CMIP: variants seen among roughly 807,000 people sequenced by gnomAD.
The protein encoded by CMIP is C-Maf-inducing protein.
CMIP carries 13 observed loss-of-function variants against 97.3 expected under a neutral mutation model. The ratio of observed to expected loss-of-function variants is 0.13; its 90% CI spans 0.09 to 0.21. CMIP has a LOEUF of 0.21. Ranked by LOEUF, CMIP falls within the 10% of genes least tolerant of loss-of-function variation. The pLI, the probability that CMIP is intolerant of heterozygous loss-of-function variation, is 1.00. For missense variants in CMIP, 847 were observed against 1,024.9 expected (o/e 0.83, Z 2.37); for synonymous variants, 538 against 436.3 (o/e 1.23, Z -2.91).
At position 81,672,089 on chromosome 16, in the gene CMIP, G is replaced by A. The variant is rs181311583; in HGVS notation, c.1034+19G>A. On this transcript the variant is annotated intron_variant, in intron 9 of 20. Transcript: ENST00000537098. The stretch of plus-strand genomic sequence containing the variant: ...TCAACAGGTCAGTTGCTGAACCACC[G>A]CCACCCAGAGGGCTTGGGAGGGGCA... 8.4e-5 allele frequency: 122 copies of A among 1,455,772 alleles called. No homozygotes were observed. The highest frequency in any genetic ancestry group is 6.1e-4 in the Admixed American group (32 of 52,624). 90.2% of individuals were successfully genotyped at this position (1,455,772 alleles called of 1,614,324 possible). A position where few individuals can be genotyped will look rare whatever the true frequency, so the allele number is the denominator to read the frequency against.
At chr16:81,461,844 A>G (rs921607343) in intron 1 of CMIP, among the ~76,000 whole-genome samples, 2 of 152,202 alleles carry the variant, frequency 1.3e-5, no homozygotes, top group South Asian at 4.1e-4. Flanking sequence ...TCCCATCCCT[A>G]CATCCCAGGA....
At chr16:81,594,434 C>G (rs530096948) in intron 1 of CMIP, among the ~76,000 whole-genome samples, 2 of 150,176 alleles carry the variant, frequency 1.3e-5, no homozygotes, top group African/African-American at 4.9e-5. Flanking sequence ...TTACCTTTTT[C>G]TTAGTTGTAA....
chr16:81,525,197 G>A (rs2090107180), intron 1 of CMIP, among the ~76,000 whole-genome samples: 1 of 151,992 alleles, frequency 6.6e-6, no homozygotes, highest in Non-Finnish European at 1.5e-5. Context: ...AGGCTGGAGT[G>A]CAGTGGCACA....
At chr16:81,583,768 C>T (rs1309730887) in intron 1 of CMIP, among the ~76,000 whole-genome samples, 3 of 152,090 alleles carry the variant, frequency 2.0e-5, no homozygotes, top group African/African-American at 4.8e-5. Flanking sequence ...ATCTGAAAGC[C>T]TTATGGAGGC....
intron 1 of CMIP, chr16:81,476,330 C>T: frequency 3.4e-6 from 5 of 1,461,792 alleles, no homozygotes; most frequent in East Asian, 4.6e-5. Flanking sequence ...AAGTCACCAC[C>T]CTGATACATA....
chr16:81,494,219 C>T (rs1011474186), intron 1 of CMIP, among the ~76,000 whole-genome samples: 1 of 152,160 alleles, frequency 6.6e-6, no homozygotes, highest in Admixed American at 6.5e-5. Flanking sequence ...TCCTGGGTCT[C>T]CAGCCGTGAT....
chr16:81,587,535 A>G (rs1262310937), intron 1 of CMIP, among the ~76,000 whole-genome samples: 1 of 152,148 alleles, frequency 6.6e-6, no homozygotes, highest in Non-Finnish European at 1.5e-5. Flanking sequence ...CCATCACGGT[A>G]AAGCTTTGAG....
Position 81,670,125 on chromosome 16 carries a change from C to G in CMIP, c.826-17C>G, listed in dbSNP as rs773423681. ...GCCTAGCACCGTCCCGACTCCTGTC[C>G]TCTGCTGTCTCCACAGGACTTTGGG... On this transcript the variant is annotated splice_polypyrimidine_tract_variant and intron_variant, in intron 7 of 20. Transcript: ENST00000537098. 1.1e-5 allele frequency: 17 copies of G among 1,599,000 alleles called. No individual in the cohort carries two copies. Among genetic ancestry groups the G allele is most frequent in the Non-Finnish European group, 1.4e-5 (17 of 1,173,118 alleles).
chr16:81,626,216 C>CGTGTGAGAATGTGT (rs1473498329), intron 3 of CMIP, among the ~76,000 whole-genome samples: 21 of 82,878 alleles, frequency 2.5e-4, no homozygotes, highest in African/African-American at 4.4e-4. Context: ...AGTGTGTGTG[C>CGTGTGAGAATGTGT]GCGTGAGAAT....
intron 1 of CMIP, among the ~76,000 whole-genome samples, chr16:81,546,784 G>T (rs763772015): frequency 5.9e-5 from 9 of 152,204 alleles, no homozygotes; most frequent in Admixed American, 1.3e-4. Context: ...ACCTGTGCTG[G>T]CTGGAAGAGT....
chr16:81,500,581 C>T (rs1434606133), intron 1 of CMIP, among the ~76,000 whole-genome samples: 2 of 151,244 alleles, frequency 1.3e-5, no homozygotes, highest in African/African-American at 2.4e-5. Context: ...CTCTGCCTCC[C>T]GGGTTGAAGT....
At chr16:81,693,595 G>A (rs920224610) in intron 13 of CMIP, 108 bp downstream of exon 13, 1 of 1,215,390 alleles carries the variant, frequency 8.2e-7, no homozygotes, top group East Asian at 2.5e-5. Context: ...ATTCAGAACA[G>A]CTTTCAGAGA....
chr16:81,445,034 C>A lies in CMIP; in HGVS notation c.-208C>A. On this transcript the variant is annotated 5_prime_UTR_variant, in exon 1 of 21. Transcript: ENST00000537098. ...CGAGCTAGGAGGAAGCCCGGAGCCC[C>A]GCAGGAAGCGCCGAGGCCGGCCCAG... The A allele has an allele frequency of 5.3e-6, 1 of 190,440 alleles. No individual in the cohort carries two copies. The highest frequency in any genetic ancestry group is 1.9e-4 in the South Asian group (1 of 5,400). 11.8% of individuals were successfully genotyped at this position (190,440 alleles called of 1,614,324 possible).
intron 1 of CMIP, among the ~76,000 whole-genome samples, chr16:81,462,823 C>T (rs993735985): frequency 1.1e-4 from 16 of 152,190 alleles, no homozygotes; most frequent in African/African-American, 3.9e-4. Context: ...GATGGTGGCT[C>T]ACTGCTCAGC....
At chr16:81,467,497 G>A (rs566470964) in intron 1 of CMIP, among the ~76,000 whole-genome samples, 8 of 152,042 alleles carry the variant, frequency 5.3e-5, no homozygotes, top group Non-Finnish European at 1.2e-4. Flanking sequence ...TATACCCCAG[G>A]TTTGGTCTGG....
At chr16:81,585,346 A>G (rs2091364090) in intron 1 of CMIP, among the ~76,000 whole-genome samples, 1 of 152,180 alleles carries the variant, frequency 6.6e-6, no homozygotes. Flanking sequence ...GTCTCAAAAA[A>G]TAATAATAAT....
At chr16:81,463,402 T>C (rs1250186798) in intron 1 of CMIP, among the ~76,000 whole-genome samples, 2 of 152,372 alleles carry the variant, frequency 1.3e-5, no homozygotes, top group East Asian at 3.8e-4. Flanking sequence ...TGCATTTGCA[T>C]GTTCTAAAGC....
At chr16:81,576,121 C>T (rs184797917) in intron 1 of CMIP, among the ~76,000 whole-genome samples, 24 of 152,182 alleles carry the variant, frequency 1.6e-4, no homozygotes, top group Admixed American at 9.2e-4. Context: ...GAAAAGAATG[C>T]GTCTAGGCGC....
chr16:81,535,917 G>A (rs1199466175), intron 1 of CMIP, among the ~76,000 whole-genome samples: 1 of 152,126 alleles, frequency 6.6e-6, no homozygotes, highest in Admixed American at 6.6e-5. Context: ...AATTGTCCAC[G>A]CTGACTTCAA....
Sources: allele counts gnomAD v4.1 joint callset (sites outside exome capture counted in the v4.1 genomes callset), GRCh38; gene constraint gnomAD v4.1.1; transcripts MANE v1.5; gene names NCBI Gene and HGNC (gene_info 2026-07-23, HGNC 2026-07-21).